CADM3: variants seen among roughly 807,000 people sequenced by gnomAD.
CADM3 encodes cell adhesion molecule 3.
CADM3 carries 11 observed loss-of-function variants against 44.9 expected under a neutral mutation model. The ratio of observed to expected loss-of-function variants is 0.25; its 90% CI spans 0.15 to 0.41. The LOEUF (loss-of-function observed/expected upper bound fraction) is 0.41, where lower values mean the gene tolerates loss of function less well. CADM3 is among the 10% of genes least tolerant of loss of function. The pLI is 1.00. For synonymous variants in CADM3, 207 were observed against 205.2 expected (o/e 1.01, Z -0.08); for missense variants, 426 against 512.0 (o/e 0.83, Z 1.62).
At position 159,200,963 on chromosome 1, in the gene CADM3, GGGACTGCTGGGGCCGTCACCAACCC is replaced by G; in HGVS notation, c.*47_*71del. On this transcript the variant is annotated 3_prime_UTR_variant, in exon 9 of 9. Coordinates refer to ENST00000368125, the MANE Select transcript of CADM3 (RefSeq NM_001127173.3). ...TCCTGCGCCCCCCAGGGGCCCTGTG[GGGACTGCTGGGGCCGTCACCAACCC>G]GGACTTGTACAGAGCAACCGCAGGG... is the stretch of plus-strand genomic sequence containing the variant. The G allele has an allele frequency of 6.9e-7, 1 of 1,455,218 alleles. No homozygotes were observed. The highest frequency in any genetic ancestry group is 9.3e-7 in the Non-Finnish European group (1 of 1,071,268). The allele number at this position is 1,455,218 out of a possible 1,614,324, so 90.1% of individuals were successfully genotyped here. A position where few individuals can be genotyped will look rare whatever the true frequency, so the allele number is the denominator to read the frequency against.
intron 1 of CADM3, among the ~76,000 whole-genome samples, chr1:159,191,353 G>A (rs180922157): frequency 7.4e-4 from 112 of 152,262 alleles, no homozygotes; most frequent in South Asian, 6.7e-3. Flanking sequence ...ATTGTTAGAC[G>A]AATTGAAATG....
chr1:159,175,543 C>T (rs1203165917), intron 1 of CADM3, among the ~76,000 whole-genome samples: 1 of 152,310 alleles, frequency 6.6e-6, no homozygotes, highest in East Asian at 1.9e-4. Context: ...AAGGAGAATG[C>T]TGTTGTTGAA....
At chr1:159,181,158 T>C (rs528977972) in intron 1 of CADM3, among the ~76,000 whole-genome samples, 1 of 152,328 alleles carries the variant, frequency 6.6e-6, no homozygotes, top group African/African-American at 2.4e-5. Flanking sequence ...TATGTTTCCT[T>C]TCTCAAGTAC....
intron 1 of CADM3, among the ~76,000 whole-genome samples, chr1:159,187,033 T>C (rs531199560): frequency 6.6e-6 from 1 of 152,090 alleles, no homozygotes; most frequent in Non-Finnish European, 1.5e-5. Context: ...AAAAGATGCC[T>C]GTGAAATGCA....
chr1:159,171,791 T>A lies in CADM3; in HGVS notation c.26T>A (p.Leu9Gln). The part of the protein sequence containing the change: MGAPAASL[L>Q]LLLLLFACCW... ...ATGGGGGCCCCAGCCGCCTCGCTCC[T>A]GCTCCTGCTCCTGCTGTTCGCCTGC... Residue 9 changes from leucine (L) to glutamine (Q), a missense_variant, in exon 1 of 9, where the codon CTG (leucine) becomes CAG (glutamine). Leu to Gln is a moderately radical substitution (Grantham distance 113). Transcript: ENST00000368125. The A allele has an allele frequency of 8.0e-7, 1 of 1,243,352 alleles. No homozygotes were observed. Among genetic ancestry groups the A allele is most frequent in the Non-Finnish European group, 1.0e-6 (1 of 992,894 alleles). 77.0% of individuals were successfully genotyped at this position (1,243,352 alleles called of 1,614,324 possible).
At chr1:159,172,613 G>C (rs36103299) in intron 1 of CADM3, among the ~76,000 whole-genome samples, 8,300 of 152,232 alleles carry the variant, frequency 0.055, 750 homozygotes, top group African/African-American at 0.19. Context: ...TATTTGGGGA[G>C]GAGGATGCAT....
chr1:159,196,310 A>C (rs1453259288), intron 5 of CADM3, 54 bp from the exon 6 acceptor site: 1 of 1,400,422 alleles, frequency 7.1e-7, no homozygotes. Flanking sequence ...TAAGTGAGGG[A>C]ATCTCCTAAG....
At position 159,199,843 on chromosome 1, in the gene CADM3, A is replaced by G. The variant is rs781519418; in HGVS notation, c.1045A>G (p.Ile349Val). Residue 349 changes from isoleucine (I) to valine (V), a missense_variant, in exon 8 of 9, where the codon ATC (isoleucine) becomes GTC (valine). Ile to Val is a conservative substitution (Grantham distance 29). This residue lies in a region of CADM3 where 362 missense variants were observed against 474.6 expected (regional missense o/e 0.76). Transcript: ENST00000368125. Reference sequence around the variant, plus strand: ...TGTCTTCCTGCTGCTCATCATGCTCATCTTCCTTGGCCACTACTTGATCCG... The same window carrying G: ...TGTCTTCCTGCTGCTCATCATGCTCGTCTTCCTTGGCCACTACTTGATCCG... ...FIVFLLLIML[I>V]FLGHYLIRHK... 17 of 1,613,828 alleles carry G rather than the reference A, an allele frequency of 1.1e-5. No homozygotes were observed. The highest frequency in any genetic ancestry group is 1.4e-5 in the Non-Finnish European group (17 of 1,179,996).
intron 1 of CADM3, among the ~76,000 whole-genome samples, chr1:159,188,713 T>G (rs1050295507): frequency 2.0e-4 from 31 of 152,188 alleles, no homozygotes; most frequent in Non-Finnish European, 4.3e-4. Flanking sequence ...CCTCCGCCTC[T>G]TCAGGTTGGG....
chr1:159,182,679 G>A (rs1433399116), intron 1 of CADM3, among the ~76,000 whole-genome samples: 1 of 152,172 alleles, frequency 6.6e-6, no homozygotes, highest in South Asian at 2.1e-4. Context: ...TAGAGAGTCA[G>A]AAAGGGCATT....
At chr1:159,200,741 G>A (rs1479119793) in intron 8 of CADM3, 63 bp from the exon 9 acceptor site, 19 of 1,238,218 alleles carry the variant, frequency 1.5e-5, no homozygotes, top group Admixed American at 1.1e-4. Flanking sequence ...TGAGAAAGTG[G>A]GCAGGGTGGA....
At chr1:159,182,063 C>G (rs1005785763) in intron 1 of CADM3, among the ~76,000 whole-genome samples, 279 of 141,830 alleles carry the variant, frequency 2.0e-3, no homozygotes, top group African/African-American at 6.9e-3. Flanking sequence ...GACAGACACA[C>G]ACACACACAC....
At chr1:159,175,162 T>G (rs1415126906) in intron 1 of CADM3, among the ~76,000 whole-genome samples, 1 of 152,254 alleles carries the variant, frequency 6.6e-6, no homozygotes, top group Non-Finnish European at 1.5e-5. Flanking sequence ...ATCCAGTTTC[T>G]GTTCCTAGTT....
At position 159,201,643 on chromosome 1, in the gene CADM3, G is replaced by C. The variant is rs1650215214; in HGVS notation, c.*721G>C. 1 of 152,322 alleles carries C rather than the reference G, an allele frequency of 6.6e-6. No homozygotes were observed. The highest frequency in any genetic ancestry group is 2.4e-5 in the African/African-American group (1 of 41,432). 9.4% of individuals were successfully genotyped at this position (152,322 alleles called of 1,614,324 possible). ...GTCCCTGCAAGGAAGAGTAGATTTG[G>C]AGAGGAAGGATGGAGGTGGACTCTC... is the stretch of plus-strand genomic sequence containing the variant. On this transcript the variant is annotated 3_prime_UTR_variant, in exon 9 of 9. Coordinates refer to ENST00000368125, the MANE Select transcript of CADM3 (RefSeq NM_001127173.3).
chr1:159,193,449 G>A lies in CADM3; in HGVS notation c.409G>A (p.Gly137Ser). The part of the protein sequence containing the change: ...LGIPQKPIIT[G>S]YKSSLREKDT... ...AATTCCACAGAAGCCCATCATCACTGGTTATAAATCTTCATTACGGGAAAA... is the reference window on the plus strand; with the variant it reads ...AATTCCACAGAAGCCCATCATCACTAGTTATAAATCTTCATTACGGGAAAA... Residue 137 changes from glycine to serine, a missense_variant, in exon 4 of 9, where the codon GGT becomes AGT. Physicochemically the swap from Gly to Ser is moderately conservative, Grantham distance 56. Around this residue, in one of 2 missense-constraint regions of CADM3, gnomAD observed 362 missense variants for 474.6 expected, o/e 0.76. Coordinates refer to ENST00000368125, the MANE Select transcript of CADM3 (RefSeq NM_001127173.3). 1 of 1,609,482 alleles carries A rather than the reference G, an allele frequency of 6.2e-7. No homozygotes were observed. The highest frequency in any genetic ancestry group is 1.1e-5 in the South Asian group (1 of 90,628).
Position 159,199,895 on chromosome 1 carries a change from G to T in CADM3, c.1078+19G>T. On this transcript the variant is annotated intron_variant, in intron 8 of 8. Coordinates refer to ENST00000368125, the MANE Select transcript of CADM3 (RefSeq NM_001127173.3). ...CACAAAGGTCAGAGGCACAAAGAGA[G>T]CATCAGCAGAACTTGGGAGGGGCAG... The T allele has an allele frequency of 6.2e-7, 1 of 1,612,454 alleles. No homozygotes were observed. The highest frequency in any genetic ancestry group is 1.1e-5 in the South Asian group (1 of 90,728).
intron 6 of CADM3, 168 bp downstream of exon 6, chr1:159,196,622 A>G (rs1427377019): frequency 3.0e-6 from 2 of 668,204 alleles, no homozygotes; most frequent in Admixed American, 5.3e-5. Context: ...AAAGCAGCAC[A>G]AATGGGAAGG....
rs924618256 is a variant in CADM3, at chr1:159,192,198, G to A, written c.229+122G>A. 7.4e-5 allele frequency: 80 copies of A among 1,081,904 alleles called. No individual in the cohort carries two copies. In the African/African-American group the frequency reaches 1.1e-3, roughly 15 times the overall value. The allele number at this position is 1,081,904 out of a possible 1,614,324, so 67.0% of individuals were successfully genotyped here. A position where few individuals can be genotyped will look rare whatever the true frequency, so the allele number is the denominator to read the frequency against. ...AGAAACATGGTGGTCTGCTGTTTGA[G>A]GATGTAACAAGCCATGAGTTCCCCA... On this transcript the variant is annotated intron_variant, in intron 2 of 8. Transcript: ENST00000368125.
At chr1:159,185,385 G>A (rs1405954506) in intron 1 of CADM3, among the ~76,000 whole-genome samples, 3 of 152,108 alleles carry the variant, frequency 2.0e-5, no homozygotes, top group African/African-American at 4.8e-5. Context: ...CCCAGTTTAC[G>A]CTCTACCCTA....
Sources: allele counts gnomAD v4.1 joint callset (sites outside exome capture counted in the v4.1 genomes callset), GRCh38; gene constraint gnomAD v4.1.1; regional missense constraint gnomAD v4.1.1; transcripts MANE v1.5; gene names NCBI Gene and HGNC (gene_info 2026-07-23, HGNC 2026-07-21).